IGF2BP3: variants seen among roughly 807,000 people sequenced by gnomAD.
IGF2BP3 encodes insulin like growth factor 2 mRNA binding protein 3, also known as insulin-like growth factor 2 mRNA-binding protein 3.
IGF2BP3 carries 9 observed loss-of-function variants against 73.8 expected under a neutral mutation model. The ratio of observed to expected loss-of-function variants is 0.12; its 90% CI spans 0.07 to 0.21. The LOEUF is 0.21. IGF2BP3 is among the 10% of genes least tolerant of loss of function. The pLI, the probability that IGF2BP3 is intolerant of heterozygous loss-of-function variation, is 1.00. For missense variants in IGF2BP3, 542 were observed against 714.0 expected, an observed-to-expected ratio of 0.76 and a Z score of 2.75; for synonymous variants, 258 against 256.7, an observed-to-expected ratio of 1.01 and a Z score of -0.05.
intron 3 of IGF2BP3, among the ~76,000 whole-genome samples, chr7:23,374,702 A>T (rs1461629373): frequency 2.0e-5 from 3 of 152,154 alleles, no homozygotes; most frequent in Admixed American, 2.0e-4. Context: ...TGATGATGAT[A>T]AATAAGTAAA....
intron 2 of IGF2BP3, among the ~76,000 whole-genome samples, chr7:23,463,297 T>A (rs537070321): frequency 6.6e-6 from 1 of 152,230 alleles, no homozygotes; most frequent in Non-Finnish European, 1.5e-5. Context: ...TTCACTTTAA[T>A]ACAAAATCCC....
At chr7:23,322,106 G>T (rs115847608) in intron 10 of IGF2BP3, among the ~76,000 whole-genome samples, 1 of 152,168 alleles carries the variant, frequency 6.6e-6, no homozygotes, top group Non-Finnish European at 1.5e-5. Flanking sequence ...GAAGGCTTCA[G>T]ACAATCCAAT....
At chr7:23,450,081 A>C (rs1470901503) in intron 2 of IGF2BP3, among the ~76,000 whole-genome samples, 2 of 152,234 alleles carry the variant, frequency 1.3e-5, no homozygotes, top group African/African-American at 4.8e-5. Context: ...GAAGCAATGC[A>C]GTGGCACTGA....
chr7:23,461,936 T>G (rs893191603), intron 2 of IGF2BP3, among the ~76,000 whole-genome samples: 1 of 152,212 alleles, frequency 6.6e-6, no homozygotes. Context: ...ATGTGCCAAT[T>G]CTGAGCCCAG....
chr7:23,322,014 T>C (rs902242386), intron 10 of IGF2BP3, among the ~76,000 whole-genome samples: 11 of 152,126 alleles, frequency 7.2e-5, no homozygotes, highest in East Asian at 3.9e-4. Context: ...AAAAGCAGAG[T>C]GCCTCTCCTT....
intron 3 of IGF2BP3, among the ~76,000 whole-genome samples, chr7:23,405,565 A>G (rs1245949197): frequency 2.0e-5 from 3 of 152,192 alleles, no homozygotes; most frequent in Non-Finnish European, 4.4e-5. Flanking sequence ...AGGTGAGAGG[A>G]GGTGAGCAGG....
chr7:23,409,065 C>T (rs373230501), intron 3 of IGF2BP3, among the ~76,000 whole-genome samples: 1 of 152,166 alleles, frequency 6.6e-6, no homozygotes, highest in Admixed American at 6.5e-5. Context: ...GATCCCTCAA[C>T]GTGTGCAGTT....
Position 23,351,323 on chromosome 7 carries a change from G to A in IGF2BP3, c.665C>T (p.Thr222Ile). 6.2e-7 allele frequency: 1 copy of A among 1,613,848 alleles called. No individual in the cohort carries two copies. The highest frequency in any genetic ancestry group is 8.5e-7 in the Non-Finnish European group (1 of 1,179,860). ...TACTCACTTAGACTGGGTCTGTTTG[G>A]TGATGTTCCGAATGGTGGCACCTTC... is the stretch of plus-strand genomic sequence containing the variant. Reference protein sequence around the residue: ...GKEGATIRNITKQTQSKIDVH... With the variant: ...GKEGATIRNIIKQTQSKIDVH... Residue 222 changes from threonine to isoleucine, a missense_variant, in exon 6 of 15, where the codon ACC becomes ATC. Thr to Ile is a moderately conservative substitution (Grantham distance 89). Around this residue, in one of 2 missense-constraint regions of IGF2BP3, gnomAD observed 303 missense variants for 472.1 expected, o/e 0.64. Transcript: ENST00000258729.
chr7:23,329,784 C>A (rs1294788783), intron 10 of IGF2BP3, among the ~76,000 whole-genome samples: 2 of 152,196 alleles, frequency 1.3e-5, no homozygotes, highest in African/African-American at 4.8e-5. Flanking sequence ...TGCATGACCT[C>A]ATTTGTACCC....
intron 2 of IGF2BP3, among the ~76,000 whole-genome samples, chr7:23,428,540 T>A (rs1034595355): frequency 7.4e-5 from 11 of 148,010 alleles, no homozygotes; most frequent in Admixed American, 1.4e-4. Flanking sequence ...TATATATATA[T>A]AATATATATT....
intron 2 of IGF2BP3, among the ~76,000 whole-genome samples, chr7:23,443,345 G>A (rs151162437): frequency 1.3e-5 from 2 of 151,852 alleles, no homozygotes; most frequent in Non-Finnish European, 2.9e-5. Context: ...GGCTGGTCTC[G>A]AACTCCCGAC....
At chr7:23,313,782 T>C (rs1783897906) in intron 12 of IGF2BP3, 129 bp from the exon 13 acceptor site, 1 of 858,496 alleles carries the variant, frequency 1.2e-6, no homozygotes, top group African/African-American at 1.7e-5. Flanking sequence ...TCATAGATTG[T>C]TGAAAATAAC....
chr7:23,452,106 G>A (rs746411516), intron 2 of IGF2BP3, among the ~76,000 whole-genome samples: 22 of 151,688 alleles, frequency 1.5e-4, no homozygotes, highest in African/African-American at 4.8e-4. Context: ...CTGGGTCCAC[G>A]CCATTCTCTT....
At position 23,372,833 on chromosome 7, in the gene IGF2BP3, T is replaced by G. The variant is rs1373673863; in HGVS notation, c.286-11092A>C. ...GCATTGTCCCAAATGCTTTATCTACTTTAACTCAAATCCACACAATCCCAT... is the reference window on the plus strand; with the variant it reads ...GCATTGTCCCAAATGCTTTATCTACGTTAACTCAAATCCACACAATCCCAT... On this transcript the variant is annotated intron_variant, in intron 3 of 14. Transcript: ENST00000258729. Among the ~76,000 whole-genome samples, 3 of 152,192 alleles carry G rather than the reference T, an allele frequency of 2.0e-5. No homozygotes were observed. The East Asian group carries it at 5.8e-4, about 29-fold the overall frequency.
At chr7:23,439,636 A>C (rs993195906) in intron 2 of IGF2BP3, among the ~76,000 whole-genome samples, 1 of 152,064 alleles carries the variant, frequency 6.6e-6, no homozygotes, top group Admixed American at 6.6e-5. Flanking sequence ...GCTTATAATC[A>C]GTGTGATTAC....
chr7:23,381,165 C>A (rs1785898539), intron 3 of IGF2BP3, among the ~76,000 whole-genome samples: 1 of 152,232 alleles, frequency 6.6e-6, no homozygotes. Context: ...TATATCCACA[C>A]AGTAATCAGC....
At chr7:23,456,782 G>A (rs1788329996) in intron 2 of IGF2BP3, among the ~76,000 whole-genome samples, 1 of 152,210 alleles carries the variant, frequency 6.6e-6, no homozygotes, top group Non-Finnish European at 1.5e-5. Context: ...AGGCGCAGTG[G>A]CTCACGCCCG....
At chr7:23,410,410 A>C (rs910200426) in intron 3 of IGF2BP3, among the ~76,000 whole-genome samples, 1 of 152,178 alleles carries the variant, frequency 6.6e-6, no homozygotes, top group Non-Finnish European at 1.5e-5. Context: ...ATCCAGAAAA[A>C]TGACAGAAGC....
intron 3 of IGF2BP3, among the ~76,000 whole-genome samples, chr7:23,410,159 A>G (rs549342318): frequency 6.6e-5 from 10 of 152,110 alleles, no homozygotes; most frequent in African/African-American, 2.4e-4. Flanking sequence ...ACAGAGCGAC[A>G]CTCCATCTTA....
Sources: allele counts gnomAD v4.1 joint callset (sites outside exome capture counted in the v4.1 genomes callset), GRCh38; gene constraint gnomAD v4.1.1; regional missense constraint gnomAD v4.1.1; transcripts MANE v1.5; gene names NCBI Gene and HGNC (gene_info 2026-07-23, HGNC 2026-07-21).